The following FNTB variants were observed in gnomAD, a reference collection of about 807,000 sequenced individuals.
FNTB encodes farnesyltransferase, CAAX box, subunit beta.
In FNTB, 27 loss-of-function variants were observed where a neutral mutation model predicts 59.4. That is an observed-to-expected ratio of 0.45 (90% CI 0.34 to 0.63). The LOEUF is 0.63. Ranked by LOEUF, FNTB falls within the 20% of genes least tolerant of loss-of-function variation. The pLI is 0.02. For synonymous variants in FNTB, 230 were observed against 220.7 expected, an observed-to-expected ratio of 1.04 and a Z score of -0.37; for missense variants, 449 against 559.6, an observed-to-expected ratio of 0.80 and a Z score of 1.99.
chr14:65,060,617 A>T (rs1463587121), intron 11 of FNTB, among the ~76,000 whole-genome samples: 1 of 120,148 alleles, frequency 8.3e-6, no homozygotes, highest in Non-Finnish European at 1.6e-5. Flanking sequence ...AATGGCGTGA[A>T]CCCGGGAGGC....
intron 1 of FNTB, among the ~76,000 whole-genome samples, chr14:64,989,033 A>C (rs1888071510): frequency 6.6e-6 from 1 of 152,184 alleles, no homozygotes; most frequent in African/African-American, 2.4e-5. Flanking sequence ...TGGTAGGTTA[A>C]TGATACATTC....
Position 64,991,949 on chromosome 14 carries a change from G to T in FNTB, c.144+4852G>T, listed in dbSNP as rs1452909136. 6.6e-6 allele frequency among the ~76,000 whole-genome samples: 1 copy of T among 152,176 alleles called. No individual in the cohort carries two copies. Among genetic ancestry groups the T allele is most frequent in the Non-Finnish European group, 1.5e-5 (1 of 68,030 alleles). On this transcript the variant is annotated intron_variant, in intron 1 of 11. Transcript: ENST00000246166. This position sits in a 1 kb window ranked among gnomAD's most constrained non-coding sequence, Gnocchi z 4.4. ...GAGGCAGGTGATGTGCTGGCTTCAG[G>T]TTCGGGCAGTGGGCCACCACATATC...
intron 11 of FNTB, among the ~76,000 whole-genome samples, chr14:65,055,196 G>A (rs1427495691): frequency 2.3e-5 from 2 of 86,422 alleles, no homozygotes; most frequent in African/African-American, 3.5e-5. Context: ...GTTGTTTAAT[G>A]TGTGTTTGTC....
At position 64,989,546 on chromosome 14, in the gene FNTB, A is replaced by G. The variant is rs573919306; in HGVS notation, c.144+2449A>G. ...CTTTTCAAATTAAAAAAAAAAACAA[A>G]CAAAAAATAAATGCTTGTTACCTGC... On this transcript the variant is annotated intron_variant, in intron 1 of 11. Coordinates refer to ENST00000246166, the MANE Select transcript of FNTB (RefSeq NM_002028.4). Among the ~76,000 whole-genome samples the G allele has an allele frequency of 3.9e-5, 6 of 152,212 alleles. No homozygotes were observed. The South Asian group carries it at 1.2e-3, about 32-fold the overall frequency.
At chr14:65,006,956 G>A (rs1398096573) in intron 2 of FNTB, among the ~76,000 whole-genome samples, 2 of 152,088 alleles carry the variant, frequency 1.3e-5, no homozygotes, top group African/African-American at 4.8e-5. Context: ...AAAAAAAAGT[G>A]TTCCTCCTGG....
In FNTB at chr14:65,044,224, T is replaced by C; in HGVS notation, c.823-87T>C. 6.3e-7 allele frequency: 1 copy of C among 1,596,330 alleles called. No individual in the cohort carries two copies. Among genetic ancestry groups the C allele is most frequent in the Non-Finnish European group, 8.5e-7 (1 of 1,173,268 alleles). ...AAGCCACAAGATGGGAAACCCTCCA[T>C]CCCACAGATTGACTCCTGGAGATTC... On this transcript the variant is annotated intron_variant, in intron 8 of 11. Transcript: ENST00000246166. This position sits in a 1 kb window ranked among gnomAD's most constrained non-coding sequence, Gnocchi z 5.5.
At chr14:64,987,139 C>T in intron 1 of FNTB, 42 bp downstream of exon 1, 1 of 1,610,440 alleles carries the variant, frequency 6.2e-7, no homozygotes, top group Non-Finnish European at 8.5e-7. Context: ...GCGATGTGTT[C>T]TGGGAGCGCG....
At position 65,014,437 on chromosome 14, in the gene FNTB, A is replaced by G. The variant is rs935408583; in HGVS notation, c.283-1188A>G. On this transcript the variant is annotated intron_variant, in intron 3 of 11. Coordinates refer to ENST00000246166, the MANE Select transcript of FNTB (RefSeq NM_002028.4). The surrounding 1 kb of genome is among the most constrained non-coding windows in gnomAD (Gnocchi z 5.1). ...ATATGTACACGTGTTGGTTCCAGAA[A>G]GACATGAGGTAACTTATATGTCTGT... Among the ~76,000 whole-genome samples, 3 of 152,194 alleles carry G rather than the reference A, an allele frequency of 2.0e-5. No individual in the cohort carries two copies. The highest frequency in any genetic ancestry group is 1.3e-4 in the Admixed American group (2 of 15,274).
rs151032084 is a variant in FNTB at position 65,012,205 on chromosome 14, A to AG, written c.210-107dup. 12,443 of 1,322,600 alleles carry AG rather than the reference A, an allele frequency of 9.4e-3. 838 individuals carry two copies. In the African/African-American group the frequency reaches 0.15, roughly 16 times the overall value. The allele number at this position is 1,322,600 out of a possible 1,614,324, so 81.9% of individuals were successfully genotyped here. A position where few individuals can be genotyped will look rare whatever the true frequency, so the allele number is the denominator to read the frequency against. On this transcript the variant is annotated intron_variant, in intron 2 of 11. Transcript: ENST00000246166. This position sits in a 1 kb window ranked among gnomAD's most constrained non-coding sequence, Gnocchi z 5.0. ...TGCTGGTTATCCAGTCAGTGATTGC[A>AG]GGGGGACGTCCTGAAGCTGAGTGTT... is the stretch of plus-strand genomic sequence containing the variant.
Position 65,012,721 on chromosome 14 carries a change from C to G in FNTB, c.282+332C>G, listed in dbSNP as rs527733413. ...ACCTGTTCACCCTTAACCCTTTGCC[C>G]TATAAGCTGATCTAATTTCTCGCTC... On this transcript the variant is annotated intron_variant, in intron 3 of 11. Transcript: ENST00000246166. The surrounding 1 kb of genome is among the most constrained non-coding windows in gnomAD (Gnocchi z 5.0). Among the ~76,000 whole-genome samples, 1 of 152,340 alleles carries G rather than the reference C, an allele frequency of 6.6e-6. No individual in the cohort carries two copies. The highest frequency in any genetic ancestry group is 2.1e-4 in the South Asian group (1 of 4,828).
Position 65,054,493 on chromosome 14 carries a change from G to A in FNTB, c.1068-82G>A. On this transcript the variant is annotated intron_variant, in intron 10 of 11. Transcript: ENST00000246166. The surrounding 1 kb of genome is among the most constrained non-coding windows in gnomAD (Gnocchi z 4.4). ...TGGGGGGGGACGTGTGATTGCACCA[G>A]TGGTCTCTGAATTGGTGTGGCTACA... The A allele has an allele frequency of 7.3e-7, 1 of 1,374,476 alleles. No individual in the cohort carries two copies. Among genetic ancestry groups the A allele is most frequent in the Non-Finnish European group, 1.0e-6 (1 of 993,520 alleles). The allele number at this position is 1,374,476 out of a possible 1,614,324, so 85.1% of individuals were successfully genotyped here.
At chr14:65,051,144 T>A (rs1270123281) in intron 9 of FNTB, among the ~76,000 whole-genome samples, 1 of 152,204 alleles carries the variant, frequency 6.6e-6, no homozygotes, top group South Asian at 2.1e-4. Context: ...TGTCTCTTAA[T>A]GGGTGTTTCA....
At chr14:65,039,008 T>G (rs2062282101) in intron 7 of FNTB, among the ~76,000 whole-genome samples, 1 of 152,258 alleles carries the variant, frequency 6.6e-6, no homozygotes, top group Non-Finnish European at 1.5e-5. Flanking sequence ...GCTCCCTGTC[T>G]TATTTCCTCC....
intron 1 of FNTB, chr14:64,987,328 C>T (rs1352133720): frequency 8.5e-6 from 5 of 586,500 alleles, no homozygotes; most frequent in Non-Finnish European, 1.5e-5. Context: ...GAGGAGAGGG[C>T]AGTAGCCGAG....
Position 64,992,540 on chromosome 14 carries a change from T to C in FNTB, c.144+5443T>C, listed in dbSNP as rs563014990. Among the ~76,000 whole-genome samples the C allele has an allele frequency of 8.5e-5, 13 of 152,348 alleles. No individual in the cohort carries two copies. The East Asian group carries it at 2.3e-3, about 27-fold the overall frequency. On this transcript the variant is annotated intron_variant, in intron 1 of 11. Transcript: ENST00000246166. ...ATTTCCGGACCACATGTTCAGTTCTTGAGATACATCGTTTTTGAATATGAA... is the reference window on the plus strand; with the variant it reads ...ATTTCCGGACCACATGTTCAGTTCTCGAGATACATCGTTTTTGAATATGAA...
Position 65,015,702 on chromosome 14 carries a change from G to T in FNTB, c.360G>T (p.Gln120His), listed in dbSNP as rs1298155034. 2 of 1,614,184 alleles carry T rather than the reference G, an allele frequency of 1.2e-6. No individual in the cohort carries two copies. Among genetic ancestry groups the T allele is most frequent in the Admixed American group, 3.3e-5 (2 of 60,022 alleles). ...SLELLDEPIP[Q>H]IVATDVCQFL... ...AACTGCTAGATGAACCCATCCCCCA[G>T]ATAGTGGCTACAGAGTGAGTCTGTC... The change falls in exon 4 of 12, where the codon CAG (glutamine) becomes CAT (histidine). Residue 120 changes from glutamine to histidine, a missense_variant. Transcript: ENST00000246166.
At chr14:65,004,157 G>T (rs112353748) in intron 1 of FNTB, 92 bp from the exon 2 acceptor site, 1 of 1,433,980 alleles carries the variant, frequency 7.0e-7, no homozygotes, top group Admixed American at 1.8e-5. Flanking sequence ...ACCAACCCTC[G>T]CCAATAGGCA....
intron 1 of FNTB, among the ~76,000 whole-genome samples, chr14:64,995,944 C>T (rs938979248): frequency 2.7e-4 from 40 of 149,598 alleles, no homozygotes; most frequent in African/African-American, 9.1e-4. Context: ...CCAACTTGGT[C>T]AAACCCTATC....
chr14:64,997,607 C>G lies in FNTB; in HGVS notation c.145-6642C>G, dbSNP rs995830809. On this transcript the variant is annotated intron_variant, in intron 1 of 11. Transcript: ENST00000246166. The surrounding 1 kb of genome is among the most constrained non-coding windows in gnomAD (Gnocchi z 4.5). ...GCTGGAAGAACCCGTTGGGCGGTTACAAAATGAGTAAATCTCAAAGAGGTG... is the reference window on the plus strand; with the variant it reads ...GCTGGAAGAACCCGTTGGGCGGTTAGAAAATGAGTAAATCTCAAAGAGGTG... 1.3e-5 allele frequency among the ~76,000 whole-genome samples: 2 copies of G among 152,162 alleles called. No individual in the cohort carries two copies. The highest frequency in any genetic ancestry group is 2.9e-5 in the Non-Finnish European group (2 of 68,032).
Sources: gnomAD v4.1 joint callset for allele counts (sites outside exome capture counted in the v4.1 genomes callset) on GRCh38, gnomAD v4.1.1 for gene constraint, Gnocchi (gnomAD v3.1) non-coding constraint, MANE v1.5 for transcripts, NCBI Gene and HGNC (gene_info 2026-07-23, HGNC 2026-07-21) for gene names.